Variants in FGF13 observed in about 807,000 individuals in gnomAD.
FGF13 encodes fibroblast growth factor 13.
Under a neutral mutation model 19.5 loss-of-function variants are expected in FGF13, and 2 were observed. The ratio of observed to expected loss-of-function variants is 0.10; its 90% confidence interval spans 0.04 to 0.32. FGF13 has a LOEUF of 0.32. FGF13 is among the 10% of genes least tolerant of loss of function. FGF13 has a pLI of 1.00. For missense variants in FGF13, 113 were observed against 192.7 expected (o/e 0.59, Z 2.45); for synonymous variants, 72 against 76.9 (o/e 0.94, Z 0.33).
At chrX:138,869,780 C>T (rs1369373725) in intron 1 of FGF13, among the ~76,000 whole-genome samples, 2 of 112,023 alleles carry the variant, frequency 1.8e-5, no homozygotes, top group Non-Finnish European at 3.8e-5. Context: ...AATAAATATT[C>T]CAACTAAATG....
At position 138,724,294 on chromosome X, in the gene FGF13, A is replaced by C. The variant is rs145723156; in HGVS notation, c.28+14948T>G. Among the ~76,000 whole-genome samples the C allele has an allele frequency of 3.6e-3, 407 of 111,959 alleles. 1 individual carries two copies. The highest frequency in any genetic ancestry group is 0.012 in the African/African-American group (372 of 30,891). On this transcript the variant is annotated intron_variant, in intron 1 of 4. Coordinates refer to the FGF13 transcript ENST00000305414. ...GCAATGTTCATAGAAGGGCCATGGGATCACACAGACCTATTCCAGTACCAA... is the reference window on the plus strand; with the variant it reads ...GCAATGTTCATAGAAGGGCCATGGGCTCACACAGACCTATTCCAGTACCAA...
At chrX:138,830,476 G>A (rs2091063462) in intron 3 of FGF13, among the ~76,000 whole-genome samples, 1 of 111,862 alleles carries the variant, frequency 8.9e-6, no homozygotes, top group African/African-American at 3.3e-5. Flanking sequence ...GAACTTTATA[G>A]AATGCATAAT....
intron 3 of FGF13, among the ~76,000 whole-genome samples, chrX:138,747,831 T>C (rs984203700): frequency 1.8e-5 from 2 of 111,572 alleles, no homozygotes; most frequent in African/African-American, 6.5e-5. Flanking sequence ...GTATTTTTGG[T>C]TCTCTTCTAG....
intron 3 of FGF13, among the ~76,000 whole-genome samples, chrX:138,658,434 A>G (rs2089457646): frequency 1.8e-5 from 2 of 112,502 alleles, no homozygotes; most frequent in Admixed American, 9.4e-5. Context: ...AATGATTCTA[A>G]TTGGACTTTT....
chrX:138,774,702 A>G (rs1373292657), intron 3 of FGF13, among the ~76,000 whole-genome samples: 5 of 111,686 alleles, frequency 4.5e-5, no homozygotes, highest in Non-Finnish European at 9.4e-5. Context: ...TAAGATTCCT[A>G]AAGGCAAGGC....
intron 1 of FGF13, among the ~76,000 whole-genome samples, chrX:138,934,216 G>A (rs2091719784): frequency 9.0e-6 from 1 of 111,574 alleles, no homozygotes; most frequent in African/African-American, 3.3e-5. Flanking sequence ...GTGGCAAGTA[G>A]AGGAACAATT....
chrX:139,113,023 C>A (rs1183496844), intron 1 of FGF13, among the ~76,000 whole-genome samples: 1 of 83,855 alleles, frequency 1.2e-5, no homozygotes, highest in African/African-American at 4.1e-5. Context: ...TGTGTGTTTT[C>A]ATTTAGACCA....
At chrX:138,974,369 A>G (rs1053751454) in intron 1 of FGF13, among the ~76,000 whole-genome samples, 2 of 111,643 alleles carry the variant, frequency 1.8e-5, no homozygotes, top group African/African-American at 6.5e-5. Context: ...TTAAAAGGAT[A>G]TAAGCAGGAA....
At chrX:138,989,230 G>T (rs5931538) in intron 1 of FGF13, among the ~76,000 whole-genome samples, 2,069 of 111,532 alleles carry the variant, frequency 0.019, 25 homozygotes, top group Non-Finnish European at 0.029. Flanking sequence ...CCTAGAAGAA[G>T]AACTCCATTT....
chrX:138,706,167 G>A (rs967680416), intron 2 of FGF13, among the ~76,000 whole-genome samples: 1 of 99,798 alleles, frequency 1.0e-5, no homozygotes, highest in African/African-American at 3.7e-5. Context: ...AAGGCAACAT[G>A]TTGAACTGAT....
chrX:138,891,311 C>T (rs915869062), intron 1 of FGF13, among the ~76,000 whole-genome samples: 1 of 111,442 alleles, frequency 9.0e-6, no homozygotes, highest in African/African-American at 3.3e-5. Flanking sequence ...AATTGTTCCT[C>T]ACAGTTCTGG....
At chrX:139,124,340 C>G (rs182354499) in intron 1 of FGF13, among the ~76,000 whole-genome samples, 6 of 112,230 alleles carry the variant, frequency 5.3e-5, no homozygotes, top group Non-Finnish European at 1.9e-5. Flanking sequence ...ACGTAGAAAT[C>G]TTTTCACAAC....
chrX:139,009,407 C>T (rs2092118513), intron 1 of FGF13, among the ~76,000 whole-genome samples: 1 of 111,933 alleles, frequency 8.9e-6, no homozygotes, highest in African/African-American at 3.2e-5. Context: ...CAGGCAAAAG[C>T]ATCAGCTAAC....
At chrX:138,901,227 T>C (rs907703594) in intron 1 of FGF13, among the ~76,000 whole-genome samples, 3 of 112,000 alleles carry the variant, frequency 2.7e-5, no homozygotes, top group Non-Finnish European at 5.6e-5. Context: ...ACTGCTTTTG[T>C]TTTTTTAAGT....
At chrX:138,772,813 A>G (rs1047183874) in intron 3 of FGF13, among the ~76,000 whole-genome samples, 1 of 111,156 alleles carries the variant, frequency 9.0e-6, no homozygotes, top group African/African-American at 3.3e-5. Context: ...TACCCTAAGT[A>G]TAAACAGATC....
chrX:138,767,622 G>C (rs1315286852), intron 3 of FGF13, among the ~76,000 whole-genome samples: 6 of 111,962 alleles, frequency 5.4e-5, no homozygotes, highest in Non-Finnish European at 9.4e-5. Flanking sequence ...AAATTCTGGA[G>C]GCCATAGTCA....
intron 1 of FGF13, among the ~76,000 whole-genome samples, chrX:139,144,274 A>G (rs73633981): frequency 0.053 from 5,723 of 107,574 alleles, 394 homozygotes; most frequent in African/African-American, 0.19. Context: ...GCCCTTGCCA[A>G]CCCTTTTCCT....
At chrX:138,892,621 G>A (rs2091483450) in intron 1 of FGF13, among the ~76,000 whole-genome samples, 1 of 110,828 alleles carries the variant, frequency 9.0e-6, no homozygotes, top group African/African-American at 3.3e-5. Context: ...TAATATAGAG[G>A]TCTGGGAGTG....
At chrX:139,074,022 C>T (rs1181598373) in intron 1 of FGF13, among the ~76,000 whole-genome samples, 6 of 112,315 alleles carry the variant, frequency 5.3e-5, no homozygotes, top group Admixed American at 2.8e-4. Context: ...AGATAGCTGG[C>T]GCTAAATTTC....
Sources: gnomAD v4.1 joint callset for allele counts (sites outside exome capture counted in the v4.1 genomes callset) on GRCh38, gnomAD v4.1.1 for gene constraint, MANE v1.5 for transcripts, NCBI Gene and HGNC (gene_info 2026-07-23, HGNC 2026-07-21) for gene names.